Variants in PAK3 observed in about 807,000 individuals in gnomAD.
The protein encoded by PAK3 is serine/threonine-protein kinase PAK 3.
Under a neutral mutation model 41.0 loss-of-function variants are expected in PAK3, and 4 were observed. The observed-to-expected ratio is 0.10, with a 90% CI of 0.05 to 0.22. PAK3 has a LOEUF of 0.22. Among genes scored for constraint, PAK3 ranks in the 10% least tolerant of loss-of-function variants. PAK3 has a pLI of 1.00. For synonymous variants in PAK3, 146 were observed against 139.6 expected (o/e 1.05, Z -0.32); for missense variants, 205 against 409.9 (o/e 0.50, Z 4.32).
At chrX:111,015,255 C>T (rs1027724658) in intron 1 of PAK3, among the ~76,000 whole-genome samples, 2 of 110,349 alleles carry the variant, frequency 1.8e-5, no homozygotes, top group African/African-American at 6.6e-5. Context: ...CAGGTTGATC[C>T]ATGTTGTAGC....
intron 1 of PAK3, among the ~76,000 whole-genome samples, chrX:111,085,970 A>G (rs2092878187): frequency 9.0e-6 from 1 of 111,381 alleles, no homozygotes; most frequent in South Asian, 3.9e-4. Flanking sequence ...AAAGAACACA[A>G]TAAAACTAAT....
intron 1 of PAK3, among the ~76,000 whole-genome samples, chrX:111,010,095 C>T (rs895011976): frequency 1.8e-5 from 2 of 112,309 alleles, no homozygotes; most frequent in East Asian, 5.6e-4. Context: ...GGCTGTTCAC[C>T]TAACCCATCT....
chrX:110,965,498 T>C (rs1027164037), intron 1 of PAK3, among the ~76,000 whole-genome samples: 2 of 112,029 alleles, frequency 1.8e-5, no homozygotes, highest in African/African-American at 6.5e-5. Flanking sequence ...GACCAGGCTT[T>C]GGGAACCAGG....
intron 16 of PAK3, among the ~76,000 whole-genome samples, chrX:111,209,013 G>A (rs577662494): frequency 2.7e-5 from 3 of 110,766 alleles, no homozygotes; most frequent in African/African-American, 9.9e-5. Context: ...CTCTCTGAGT[G>A]GGTACCTGCC....
chrX:111,144,940 T>C, intron 6 of PAK3: 1 of 906,529 alleles, frequency 1.1e-6, no homozygotes, highest in Non-Finnish European at 1.6e-6. Context: ...TGATATAAAT[T>C]ATCATTTCTT....
At chrX:111,070,145 A>G (rs952703394) in intron 1 of PAK3, among the ~76,000 whole-genome samples, 1 of 111,998 alleles carries the variant, frequency 8.9e-6, no homozygotes, top group African/African-American at 3.2e-5. Context: ...AACAACAACA[A>G]CAAAAAACAG....
At chrX:111,190,955 A>T (rs986303274) in intron 11 of PAK3, among the ~76,000 whole-genome samples, 1 of 112,073 alleles carries the variant, frequency 8.9e-6, no homozygotes, top group African/African-American at 3.2e-5. Context: ...GGTGGTTTAG[A>T]ATGCATTTGT....
At chrX:111,076,307 G>T (rs2092785320) in intron 1 of PAK3, among the ~76,000 whole-genome samples, 1 of 111,929 alleles carries the variant, frequency 8.9e-6, no homozygotes, top group African/African-American at 3.3e-5. Context: ...TTGGAGGTGA[G>T]ACCTGTTGGG....
intron 1 of PAK3, among the ~76,000 whole-genome samples, chrX:111,033,958 T>G (rs889295874): frequency 2.7e-5 from 3 of 111,601 alleles, no homozygotes; most frequent in Admixed American, 9.5e-5. Flanking sequence ...TCTCATCCCT[T>G]AGGTCATTCC....
chrX:111,115,496 T>G (rs1481438566), intron 4 of PAK3, among the ~76,000 whole-genome samples: 2 of 111,742 alleles, frequency 1.8e-5, no homozygotes, highest in East Asian at 5.7e-4. Context: ...AAAGTAGGTT[T>G]TGTCATGTTT....
chrX:111,110,599 C>A (rs1279527775), intron 4 of PAK3, among the ~76,000 whole-genome samples: 1 of 111,230 alleles, frequency 9.0e-6, no homozygotes, highest in Admixed American at 9.5e-5. Context: ...CAGTACCTTT[C>A]CAAACATAGC....
intron 1 of PAK3, among the ~76,000 whole-genome samples, chrX:111,085,423 G>C (rs1358298745): frequency 1.8e-5 from 2 of 112,225 alleles, no homozygotes; most frequent in Non-Finnish European, 3.8e-5. Flanking sequence ...CAATTAACCA[G>C]AGGATCAGCA....
intron 10 of PAK3, among the ~76,000 whole-genome samples, chrX:111,170,138 C>G (rs952345772): frequency 1.8e-5 from 2 of 110,750 alleles, no homozygotes; most frequent in Admixed American, 9.7e-5. Context: ...GGAACACATT[C>G]AAAAGATGTC....
intron 6 of PAK3, among the ~76,000 whole-genome samples, chrX:111,143,459 C>T (rs764332815): frequency 5.4e-5 from 6 of 110,924 alleles, no homozygotes; most frequent in Non-Finnish European, 1.1e-4. Flanking sequence ...CAGAGGAGAA[C>T]GTTAAGAAAT....
intron 1 of PAK3, among the ~76,000 whole-genome samples, chrX:111,074,810 A>C (rs2092771649): frequency 8.9e-6 from 1 of 112,132 alleles, no homozygotes; most frequent in Non-Finnish European, 1.9e-5. Flanking sequence ...TGGGTAGTGA[A>C]GTCCAGGCTG....
chrX:111,150,357 A>G (rs1411126873), intron 7 of PAK3, among the ~76,000 whole-genome samples: 1 of 111,862 alleles, frequency 8.9e-6, no homozygotes, highest in Admixed American at 9.5e-5. Flanking sequence ...TCTCTTCCAC[A>G]TTATTGGGTA....
chrX:110,995,216 C>T (rs1024287144), intron 1 of PAK3, among the ~76,000 whole-genome samples: 2 of 110,880 alleles, frequency 1.8e-5, no homozygotes, highest in African/African-American at 6.6e-5. Context: ...ATTTAGGTGC[C>T]GTCAGCGAAT....
chrX:111,020,105 A>C (rs1051268918), intron 1 of PAK3, among the ~76,000 whole-genome samples: 5 of 112,311 alleles, frequency 4.5e-5, no homozygotes, highest in Non-Finnish European at 9.4e-5. Flanking sequence ...ACTTCAGTAG[A>C]TATTTACACA....
intron 1 of PAK3, among the ~76,000 whole-genome samples, chrX:111,056,379 G>A (rs2092605428): frequency 9.0e-6 from 1 of 111,701 alleles, no homozygotes; most frequent in African/African-American, 3.3e-5. Context: ...GTTTTGGTCT[G>A]CCACATTAGG....
Sources: gnomAD v4.1 joint callset for allele counts (sites outside exome capture counted in the v4.1 genomes callset) on GRCh38, gnomAD v4.1.1 for gene constraint, MANE v1.5 for transcripts, NCBI Gene and HGNC (gene_info 2026-07-23, HGNC 2026-07-21) for gene names.